Variants in OTUD7B observed in about 807,000 individuals in gnomAD.
OTUD7B encodes the protein OTU deubiquitinase 7B.
In OTUD7B, 34 loss-of-function variants were observed where a neutral mutation model predicts 82.2. The observed-to-expected ratio is 0.41, with a 90% CI of 0.31 to 0.55. The LOEUF is 0.55. Ranked by LOEUF, OTUD7B falls within the 20% of genes least tolerant of loss-of-function variation. OTUD7B has a pLI of 0.20. For synonymous variants in OTUD7B, 398 were observed against 402.7 expected, an observed-to-expected ratio of 0.99 and a Z score of 0.14; for missense variants, 944 against 1,062.1, an observed-to-expected ratio of 0.89 and a Z score of 1.55.
intron 1 of OTUD7B, among the ~76,000 whole-genome samples, chr1:149,982,298 C>T (rs1650811082): frequency 6.6e-6 from 1 of 151,378 alleles, no homozygotes; most frequent in African/African-American, 2.4e-5. Flanking sequence ...AAAGTCTGAA[C>T]CTAGATAGTC....
the OTUD7B span, among the ~76,000 whole-genome samples, chr1:150,045,230 T>C: frequency 6.6e-6 from 1 of 151,996 alleles, no homozygotes; most frequent in Non-Finnish European, 1.5e-5. Context: ...TAGCTGAGAT[T>C]ACAGGTGTGT....
chr1:149,949,572 CTCAT>C (rs1348963459), intron 9 of OTUD7B, 53 bp downstream of exon 9: 2 of 1,562,486 alleles, frequency 1.3e-6, no homozygotes, highest in East Asian at 2.3e-5. Flanking sequence ...TACATTAGAT[CTCAT>C]TCAATTTTTT....
At chr1:149,970,718 TGATA>T (rs1280950261) in intron 3 of OTUD7B, among the ~76,000 whole-genome samples, 4 of 152,222 alleles carry the variant, frequency 2.6e-5, no homozygotes, top group Non-Finnish European at 5.9e-5. Flanking sequence ...ATTTTAATTT[TGATA>T]GATATTGGCA....
At chr1:149,959,047 C>G (rs1648940414) in intron 7 of OTUD7B, among the ~76,000 whole-genome samples, 1 of 151,858 alleles carries the variant, frequency 6.6e-6, no homozygotes. Flanking sequence ...AATGGTGAAA[C>G]CCCGTCTCTA....
chr1:149,948,142 G>A (rs587750418), intron 10 of OTUD7B, among the ~76,000 whole-genome samples: 1 of 151,754 alleles, frequency 6.6e-6, no homozygotes, highest in Admixed American at 6.6e-5. Flanking sequence ...ACCACGCCTG[G>A]CTAATTTTGT....
intron 1 of OTUD7B, among the ~76,000 whole-genome samples, chr1:149,981,118 G>C (rs1650703486): frequency 6.6e-6 from 1 of 151,500 alleles, no homozygotes; most frequent in Non-Finnish European, 1.5e-5. Flanking sequence ...AGGAGGAGGA[G>C]GGGGAGGGGG....
chr1:150,028,050 T>C, the OTUD7B span, among the ~76,000 whole-genome samples: 1 of 152,238 alleles, frequency 6.6e-6, no homozygotes, highest in Admixed American at 6.5e-5. Context: ...ATTAACTTTT[T>C]AGATAGTAGG....
intron 3 of OTUD7B, among the ~76,000 whole-genome samples, chr1:149,967,756 GT>G (rs1553776941): frequency 3.9e-5 from 6 of 152,108 alleles, no homozygotes; most frequent in Non-Finnish European, 8.8e-5. Context: ...TTCTGCCCTT[GT>G]TTGGAATTTG....
chr1:149,957,678 C>T (rs895719671), intron 7 of OTUD7B, among the ~76,000 whole-genome samples: 20 of 152,208 alleles, frequency 1.3e-4, no homozygotes, highest in Admixed American at 3.9e-4. Context: ...CTGCAGTGGG[C>T]TCCACCCAGT....
chr1:149,974,084 C>A (rs1329737239), intron 2 of OTUD7B, among the ~76,000 whole-genome samples: 12 of 151,826 alleles, frequency 7.9e-5, no homozygotes, highest in African/African-American at 2.9e-4. Flanking sequence ...GTCTTGAACT[C>A]AACGGAGTCT....
At chr1:149,991,332 G>A (rs1043918070) in intron 1 of OTUD7B, among the ~76,000 whole-genome samples, 1 of 151,950 alleles carries the variant, frequency 6.6e-6, no homozygotes, top group African/African-American at 2.4e-5. Context: ...TCTACTGATC[G>A]TACCTTTTAT....
rs782055988 is a variant in OTUD7B at position 149,977,465 on chromosome 1, T to A, written c.46A>T (p.Thr16Ser). Residue 16 changes from threonine (T) to serine (S), a missense_variant, in exon 2 of 12, where the codon ACA (threonine) becomes TCA (serine). Physicochemically the swap from Thr to Ser is moderately conservative, Grantham distance 58 (BLOSUM62 1). Around this residue, in one of 3 missense-constraint regions of OTUD7B, gnomAD observed 530 missense variants for 625.6 expected, o/e 0.85. Coordinates refer to ENST00000581312, the MANE Select transcript of OTUD7B (RefSeq NM_020205.4). ...DAVLSDFVRS[T>S]GAEPGLARDL... ...CGCGCTAGCCCTGGCTCTGCTCCTG[T>A]GGAACGGACAAAATCTGACAGAACA... 1.9e-6 allele frequency: 3 copies of A among 1,614,160 alleles called. No homozygotes were observed. The highest frequency in any genetic ancestry group is 2.5e-6 in the Non-Finnish European group (3 of 1,179,990).
chr1:149,971,129 A>G lies in OTUD7B; in HGVS notation c.208T>C (p.Phe70Leu). 6.2e-7 allele frequency: 1 copy of G among 1,612,222 alleles called. No homozygotes were observed. Among genetic ancestry groups the G allele is most frequent in the Non-Finnish European group, 8.5e-7 (1 of 1,179,014 alleles). Residue 70 changes from phenylalanine (F) to leucine (L), a missense_variant, in exon 3 of 12, where the codon TTT becomes CTT. By Grantham distance (22) the Phe-to-Leu change is conservative. Coordinates refer to ENST00000581312, the MANE Select transcript of OTUD7B (RefSeq NM_020205.4). Reference protein sequence around the residue: ...SGGSRTPEKGFSDREPTRPPR... With the variant: ...SGGSRTPEKGLSDREPTRPPR... ...GGGCGAGTAGGCTCTCTGTCAGAAA[A>G]CCCTTTTTCAGGGGTCCTGGAGCCA...
intron 2 of OTUD7B, among the ~76,000 whole-genome samples, chr1:149,975,975 C>T (rs934501538): frequency 2.5e-4 from 38 of 151,370 alleles, no homozygotes; most frequent in African/African-American, 8.5e-4. Context: ...GAGCCAACAT[C>T]GCGCCACTGC....
chr1:150,053,673 G>C, the OTUD7B span, among the ~76,000 whole-genome samples: 3 of 152,086 alleles, frequency 2.0e-5, no homozygotes, highest in Non-Finnish European at 2.9e-5. Context: ...TTGGATTACA[G>C]GCATGAGCCA....
chr1:149,986,973 G>C (rs1312113602), intron 1 of OTUD7B, among the ~76,000 whole-genome samples: 3 of 151,854 alleles, frequency 2.0e-5, no homozygotes, highest in Admixed American at 1.3e-4. Context: ...TACTCTAAAG[G>C]GATCTATATA....
chr1:150,005,323 G>C (rs1045067956), intron 1 of OTUD7B, among the ~76,000 whole-genome samples: 1 of 152,048 alleles, frequency 6.6e-6, no homozygotes, highest in Non-Finnish European at 1.5e-5. Context: ...ACAAATAACA[G>C]TTTAGTAATT....
the OTUD7B span, among the ~76,000 whole-genome samples, chr1:150,032,713 G>GGAA: frequency 1.1e-4 from 14 of 127,518 alleles, no homozygotes; most frequent in South Asian, 2.8e-4. Flanking sequence ...AGGAGGAGGA[G>GGAA]GAAGAAGAAG....
At chr1:150,014,774 A>G (rs1653221009), upstream of OTUD7B, among the ~76,000 whole-genome samples, 1 of 152,202 alleles carries the variant, frequency 6.6e-6, no homozygotes, top group South Asian at 2.1e-4. Context: ...GTGGTTACCT[A>G]TTAGAGGGAG....
Sources: gnomAD v4.1 joint callset for allele counts (sites outside exome capture counted in the v4.1 genomes callset) on GRCh38, gnomAD v4.1.1 for gene constraint, gnomAD v4.1.1 regional missense constraint, MANE v1.5 for transcripts, NCBI Gene and HGNC (gene_info 2026-07-23, HGNC 2026-07-21) for gene names.